MGMT: variants seen among roughly 807,000 people sequenced by gnomAD.
The protein encoded by MGMT is methylated-DNA--protein-cysteine methyltransferase.
MGMT carries 14 observed loss-of-function variants against 15.9 expected under a neutral mutation model. The observed-to-expected ratio is 0.88, with a 90% CI of 0.58 to 1.37. The LOEUF (loss-of-function observed/expected upper bound fraction) is 1.37. Ranked by LOEUF, MGMT falls within the 40% of genes most tolerant of loss-of-function variation. The pLI, the probability that MGMT is intolerant of heterozygous loss-of-function variation, is 0.00. For synonymous variants in MGMT, 130 were observed against 118.2 expected (o/e 1.10, Z -0.65); for missense variants, 282 against 268.1 (o/e 1.05, Z -0.36).
Position 129,563,493 on chromosome 10 carries a change from A to C in MGMT, c.125+27116A>C, listed in dbSNP as rs516972. Among the ~76,000 whole-genome samples, 524 of 152,272 alleles carry C rather than the reference A, an allele frequency of 3.4e-3. 1 individual carries two copies. Among genetic ancestry groups the C allele is most frequent in the Non-Finnish European group, 5.9e-3 (399 of 68,016 alleles). On this transcript the variant is annotated intron_variant, in intron 2 of 4. Transcript: ENST00000651593. ...TATACTCCCATTCATGTATTTAACAATTCTTTACTGCTGTAAGATAAATGG... is the reference window on the plus strand; with the variant it reads ...TATACTCCCATTCATGTATTTAACACTTCTTTACTGCTGTAAGATAAATGG...
intron 1 of MGMT, among the ~76,000 whole-genome samples, chr10:129,473,897 A>G (rs1314376712): frequency 6.6e-6 from 1 of 151,926 alleles, no homozygotes; most frequent in Non-Finnish European, 1.5e-5. Context: ...GGCCAGAGGA[A>G]AGATGGGAGG....
In MGMT at chr10:129,768,027, T is replaced by C. The variant is rs1848958971; in HGVS notation, c.*1030T>C. 1.3e-5 allele frequency: 2 copies of C among 152,180 alleles called. No homozygotes were observed. The highest frequency in any genetic ancestry group is 2.9e-5 in the Non-Finnish European group (2 of 68,042). 9.4% of individuals were successfully genotyped at this position (152,180 alleles called of 1,614,324 possible). On this transcript the variant is annotated 3_prime_UTR_variant, in exon 5 of 5. Transcript: ENST00000651593. ...ATATGGAGAAATAAAACAGAGCATA[T>C]GATGTATAGAGAAAATGAACTGCAC...
At chr10:129,471,463 G>A (rs1036795231) in intron 1 of MGMT, among the ~76,000 whole-genome samples, 1 of 151,976 alleles carries the variant, frequency 6.6e-6, no homozygotes, top group African/African-American at 2.4e-5. Context: ...ACTCCGGTGG[G>A]CAGCCGGGGA....
chr10:129,624,966 A>G, intron 2 of MGMT, among the ~76,000 whole-genome samples: 1 of 152,242 alleles, frequency 6.6e-6, no homozygotes, highest in South Asian at 2.1e-4. Context: ...AGAGATGTTA[A>G]CAAAGGCAGA....
chr10:129,618,606 C>A (rs1564738884), intron 2 of MGMT, among the ~76,000 whole-genome samples: 1 of 151,944 alleles, frequency 6.6e-6, no homozygotes, highest in Non-Finnish European at 1.5e-5. Flanking sequence ...AGTTTTGAGT[C>A]TTGATCTTTG....
At chr10:129,653,488 ACT>A (rs1235416466) in intron 2 of MGMT, among the ~76,000 whole-genome samples, 3 of 152,160 alleles carry the variant, frequency 2.0e-5, no homozygotes, top group Non-Finnish European at 4.4e-5. Context: ...TCTACAAAAC[ACT>A]GAGTGGCCCC....
chr10:129,497,613 A>C (rs1414979378), intron 1 of MGMT, among the ~76,000 whole-genome samples: 2 of 152,208 alleles, frequency 1.3e-5, no homozygotes, highest in African/African-American at 4.8e-5. Context: ...ACACGGGTGC[A>C]CTACTGTAAA....
chr10:129,691,492 A>G (rs1014410860), intron 2 of MGMT, among the ~76,000 whole-genome samples: 3 of 152,224 alleles, frequency 2.0e-5, no homozygotes, highest in African/African-American at 7.2e-5. Context: ...GTTAGCTCGG[A>G]TAACTGGGGC....
intron 2 of MGMT, among the ~76,000 whole-genome samples, chr10:129,684,144 G>A (rs781169165): frequency 2.0e-5 from 3 of 152,196 alleles, no homozygotes; most frequent in African/African-American, 4.8e-5. Context: ...TGGTGTTAGC[G>A]ACAGCTATCT....
intron 2 of MGMT, among the ~76,000 whole-genome samples, chr10:129,643,073 A>G (rs1021259663): frequency 4.6e-5 from 7 of 152,290 alleles, no homozygotes; most frequent in Admixed American, 3.3e-4. Flanking sequence ...CGGATGGAAA[A>G]GGGAGTTTTG....
At chr10:129,636,665 T>G (rs1847268417) in intron 2 of MGMT, among the ~76,000 whole-genome samples, 1 of 152,200 alleles carries the variant, frequency 6.6e-6, no homozygotes, top group Non-Finnish European at 1.5e-5. Context: ...CTCTATAGAT[T>G]GTTTTGTGGA....
At chr10:129,550,359 G>A (rs1205606653) in intron 2 of MGMT, among the ~76,000 whole-genome samples, 1 of 139,048 alleles carries the variant, frequency 7.2e-6, no homozygotes, top group African/African-American at 2.6e-5. Flanking sequence ...GTGTTCCGCA[G>A]CCACCACCGC....
At chr10:129,502,573 G>C (rs145203896) in intron 1 of MGMT, among the ~76,000 whole-genome samples, 456 of 152,224 alleles carry the variant, frequency 3.0e-3, no homozygotes, top group Non-Finnish European at 4.9e-3. Flanking sequence ...ACATATGCCA[G>C]AGGTGTGATA....
intron 1 of MGMT, among the ~76,000 whole-genome samples, chr10:129,505,897 G>A (rs1564836799): frequency 6.6e-6 from 1 of 152,098 alleles, no homozygotes; most frequent in African/African-American, 2.4e-5. Flanking sequence ...CTTGTCCCTG[G>A]GGTAGTTTGA....
At chr10:129,552,449 G>T (rs1221879037) in intron 2 of MGMT, among the ~76,000 whole-genome samples, 1 of 152,262 alleles carries the variant, frequency 6.6e-6, no homozygotes, top group African/African-American at 2.4e-5. Flanking sequence ...ACAGACGTGG[G>T]TTTGTGGCCT....
Position 129,769,604 on chromosome 10 carries a change from T to C in MGMT, c.*2607T>C, listed in dbSNP as rs1222268171. On this transcript the variant is annotated 3_prime_UTR_variant, in exon 5 of 5. Coordinates refer to ENST00000651593, the MANE Select transcript of MGMT (RefSeq NM_002412.5). Reference sequence around the variant, plus strand: ...CCCTGTTTCCAGAGAGATGAGAGAGTCAGAAGTAATACTTGTTTTTGCAGA... The same window carrying C: ...CCCTGTTTCCAGAGAGATGAGAGAGCCAGAAGTAATACTTGTTTTTGCAGA... 1.3e-5 allele frequency among the ~76,000 whole-genome samples: 2 copies of C among 150,892 alleles called. No individual in the cohort carries two copies. Among genetic ancestry groups the C allele is most frequent in the African/African-American group, 4.9e-5 (2 of 40,910 alleles).
At chr10:129,699,129 G>T (rs1848066317) in intron 2 of MGMT, among the ~76,000 whole-genome samples, 1 of 152,170 alleles carries the variant, frequency 6.6e-6, no homozygotes, top group East Asian at 1.9e-4. Context: ...ATGTTAAAAT[G>T]TTGATAAAAT....
chr10:129,550,557 G>T (rs1384128384), intron 2 of MGMT, among the ~76,000 whole-genome samples: 1 of 151,070 alleles, frequency 6.6e-6, no homozygotes, highest in East Asian at 2.0e-4. Flanking sequence ...AGTGATTCTC[G>T]CGCCTCAGCC....
In MGMT at chr10:129,533,602, T is replaced by C. The variant is rs1056278311; in HGVS notation, c.-12-2639T>C. Among the ~76,000 whole-genome samples the C allele has an allele frequency of 2.0e-5, 3 of 152,188 alleles. No individual in the cohort carries two copies. Among genetic ancestry groups the C allele is most frequent in the African/African-American group, 4.8e-5 (2 of 41,446 alleles). On this transcript the variant is annotated intron_variant, in intron 1 of 4. Transcript: ENST00000651593. The surrounding 1 kb of genome is among the most constrained non-coding windows in gnomAD (Gnocchi z 4.5). ...TCTCACGTTGCCTCTAGAGCCCTGT[T>C]GTCTGACCAGTATCTTCTGTGAACA...
Sources: allele counts gnomAD v4.1 joint callset (sites outside exome capture counted in the v4.1 genomes callset), GRCh38; gene constraint gnomAD v4.1.1; non-coding constraint Gnocchi (gnomAD v3.1); transcripts MANE v1.5; gene names NCBI Gene and HGNC (gene_info 2026-07-23, HGNC 2026-07-21).